The following EIPR1 variants were observed in gnomAD, a reference collection of about 807,000 sequenced individuals.
EIPR1 encodes EARP and GARP complex-interacting protein 1.
EIPR1 carries 25 observed loss-of-function variants against 48.1 expected under a neutral mutation model. That is an observed-to-expected ratio of 0.52 (90% CI 0.38 to 0.73). The LOEUF is 0.73. EIPR1 is among the 30% of genes least tolerant of loss of function. The pLI is 0.00. For missense variants in EIPR1, 415 were observed against 506.2 expected (o/e 0.82, Z 1.73); for synonymous variants, 204 against 201.9 (o/e 1.01, Z -0.09).
intron 4 of EIPR1, among the ~76,000 whole-genome samples, chr2:3,217,071 G>C (rs1665663084): frequency 6.6e-6 from 1 of 152,184 alleles, no homozygotes; most frequent in Admixed American, 6.5e-5. Flanking sequence ...ATCCACAAGA[G>C]AACATAATTG....
Position 3,291,344 on chromosome 2 carries a change from G to A in EIPR1, c.260-33889C>T, listed in dbSNP as rs551643383. 1.2e-4 allele frequency among the ~76,000 whole-genome samples: 19 copies of A among 152,194 alleles called. No individual in the cohort carries two copies. The East Asian group carries it at 3.3e-3, about 26-fold the overall frequency. On this transcript the variant is annotated intron_variant, in intron 3 of 8. Coordinates refer to ENST00000382125, the MANE Select transcript of EIPR1 (RefSeq NM_003310.5). ...AGCGGGCTGCACGCACAGTTCTGCC[G>A]TGTACCCCAACCCACGTAGCGGGCT...
intron 2 of EIPR1, among the ~76,000 whole-genome samples, chr2:3,341,095 C>CAGAAAA (rs1670227227): frequency 4.5e-5 from 1 of 22,198 alleles, no homozygotes; most frequent in African/African-American, 1.3e-4. Flanking sequence ...GATCCTGTCT[C>CAGAAAA]AAAAAAAAAA....
At chr2:3,241,172 C>T (rs112944376) in intron 4 of EIPR1, among the ~76,000 whole-genome samples, 5 of 151,904 alleles carry the variant, frequency 3.3e-5, no homozygotes, top group Non-Finnish European at 5.9e-5. Flanking sequence ...TCCTCAAGAA[C>T]AGCGAGCAGG....
At chr2:3,310,567 G>T (rs1186770449) in intron 3 of EIPR1, among the ~76,000 whole-genome samples, 1 of 147,522 alleles carries the variant, frequency 6.8e-6, no homozygotes, top group Non-Finnish European at 1.5e-5. Flanking sequence ...GCAGGAGAAT[G>T]GCGTGAACCC....
chr2:3,192,995 G>A (rs1323125546), intron 7 of EIPR1, among the ~76,000 whole-genome samples: 4 of 152,198 alleles, frequency 2.6e-5, no homozygotes, highest in African/African-American at 7.2e-5. Context: ...AGGGCATGGC[G>A]GCCTCCCGGG....
intron 5 of EIPR1, chr2:3,208,812 A>T (rs1416186395): frequency 1.3e-6 from 2 of 1,549,628 alleles, no homozygotes; most frequent in East Asian, 4.9e-5. Flanking sequence ...TCCTTCTGTG[A>T]GTGAGGCCCG....
intron 3 of EIPR1, among the ~76,000 whole-genome samples, chr2:3,284,231 G>A (rs1385963586): frequency 1.4e-5 from 2 of 138,020 alleles, no homozygotes; most frequent in African/African-American, 5.4e-5. Context: ...CCGCCCACAG[G>A]CACAGAAGGC....
chr2:3,326,744 G>A (rs35595039), intron 3 of EIPR1, among the ~76,000 whole-genome samples: 3 of 151,942 alleles, frequency 2.0e-5, no homozygotes, highest in African/African-American at 4.8e-5. Context: ...ATTCTCTTAC[G>A]TTTCCTCCTA....
chr2:3,261,715 C>T (rs1429805085), intron 3 of EIPR1: 2 of 152,246 alleles, frequency 1.3e-5, no homozygotes, highest in Non-Finnish European at 2.9e-5. Flanking sequence ...CCTGGCTTAC[C>T]GCAGATCCTC....
At chr2:3,250,233 G>A (rs1666962154) in intron 4 of EIPR1, among the ~76,000 whole-genome samples, 1 of 152,196 alleles carries the variant, frequency 6.6e-6, no homozygotes, top group African/African-American at 2.4e-5. Context: ...GGGACAGCTG[G>A]CCAGGGTTTT....
chr2:3,224,241 C>T (rs1417639288), intron 4 of EIPR1, among the ~76,000 whole-genome samples: 2 of 152,152 alleles, frequency 1.3e-5, no homozygotes, highest in Non-Finnish European at 2.9e-5. Flanking sequence ...CAGTGTCTTA[C>T]TTTAAGGACT....
intron 2 of EIPR1, among the ~76,000 whole-genome samples, chr2:3,348,150 C>A (rs1158301078): frequency 6.6e-6 from 1 of 152,134 alleles, no homozygotes; most frequent in Non-Finnish European, 1.5e-5. Context: ...AGATGCAGAA[C>A]CAGATGCAGA....
At chr2:3,374,013 A>G (rs941913732) in intron 1 of EIPR1, among the ~76,000 whole-genome samples, 4 of 143,162 alleles carry the variant, frequency 2.8e-5, no homozygotes, top group Non-Finnish European at 6.3e-5. Context: ...ACAGCATGTT[A>G]CTGGTACCAA....
intron 3 of EIPR1, among the ~76,000 whole-genome samples, chr2:3,322,190 C>CGGTCACGGTGAGGTGAT (rs1224692259): frequency 6.6e-6 from 1 of 152,134 alleles, no homozygotes; most frequent in African/African-American, 2.4e-5. Flanking sequence ...TTAGGGCTGA[C>CGGTCACGGTGAGGTGAT]GGTCACGGTG....
At chr2:3,274,477 A>C in intron 3 of EIPR1, 1 of 1,530,320 alleles carries the variant, frequency 6.5e-7, no homozygotes, top group South Asian at 1.2e-5. Flanking sequence ...AAATAAAGGC[A>C]TGTTAAGGTA....
intron 4 of EIPR1, among the ~76,000 whole-genome samples, chr2:3,215,319 T>C (rs1665594244): frequency 6.6e-6 from 1 of 152,128 alleles, no homozygotes; most frequent in South Asian, 2.1e-4. Flanking sequence ...TCAAGGATAA[T>C]GGCAAAGTAC....
At chr2:3,303,979 C>T (rs778634048) in intron 3 of EIPR1, among the ~76,000 whole-genome samples, 1 of 152,214 alleles carries the variant, frequency 6.6e-6, no homozygotes, top group South Asian at 2.1e-4. Flanking sequence ...CTCAAATCTC[C>T]GATTTACAGT....
At chr2:3,207,814 A>G (rs1273250817) in intron 5 of EIPR1, 1 of 152,240 alleles carries the variant, frequency 6.6e-6, no homozygotes, top group Non-Finnish European at 1.5e-5. Context: ...TGGAAGACTA[A>G]TAAGAAAATG....
At chr2:3,224,237 CTTACT>C (rs1665987829) in intron 4 of EIPR1, among the ~76,000 whole-genome samples, 1 of 152,136 alleles carries the variant, frequency 6.6e-6, no homozygotes, top group African/African-American at 2.4e-5. Context: ...CATACAGTGT[CTTACT>C]TTAAGGACTC....
Sources: allele counts gnomAD v4.1 joint callset (sites outside exome capture counted in the v4.1 genomes callset), GRCh38; gene constraint gnomAD v4.1.1; transcripts MANE v1.5; gene names NCBI Gene and HGNC (gene_info 2026-07-23, HGNC 2026-07-21).